Variants in LRRC1 observed in about 807,000 individuals in gnomAD.
LRRC1 encodes the protein leucine rich repeat containing 1.
LRRC1 carries 28 observed loss-of-function variants against 69.9 expected under a neutral mutation model. The observed-to-expected ratio is 0.40, with a 90% CI of 0.30 to 0.55. The LOEUF (loss-of-function observed/expected upper bound fraction) is 0.55. Ranked by LOEUF, LRRC1 falls within the 20% of genes least tolerant of loss-of-function variation. The probability of loss-of-function intolerance (pLI) is 0.47; values close to 1 mark genes in which losing one functional copy is unlikely to be tolerated. For synonymous variants in LRRC1, 236 were observed against 240.2 expected (o/e 0.98, Z 0.16); for missense variants, 498 against 609.0 (o/e 0.82, Z 1.92).
chr6:53,905,427 T>C (rs946961799), intron 10 of LRRC1: 3 of 151,890 alleles, frequency 2.0e-5, no homozygotes, highest in Non-Finnish European at 2.9e-5. Flanking sequence ...AGGATAATAC[T>C]GAGCTTGATT....
At chr6:53,840,764 ATGG>A in intron 1 of LRRC1, among the ~76,000 whole-genome samples, 1 of 151,634 alleles carries the variant, frequency 6.6e-6, no homozygotes, top group African/African-American at 2.4e-5. Flanking sequence ...TATGCTTTTT[ATGG>A]TGTTATGTTG....
intron 1 of LRRC1, among the ~76,000 whole-genome samples, chr6:53,815,704 CTT>C (rs1283489802): frequency 6.6e-6 from 1 of 152,232 alleles, no homozygotes; most frequent in African/African-American, 2.4e-5. Context: ...AGTGGACAAA[CTT>C]AAGCAAGTTC....
At position 53,920,657 on chromosome 6, in the gene LRRC1, T is replaced by C. The variant is rs756335082; in HGVS notation, c.1312T>C (p.Leu438=). The C allele has an allele frequency of 6.2e-7, 1 of 1,614,166 alleles. No homozygotes were observed. The highest frequency in any genetic ancestry group is 1.1e-5 in the South Asian group (1 of 91,082). Residue 438 remains leucine, a synonymous_variant, in exon 13 of 14, where the codon TTG becomes CTG. Coordinates refer to ENST00000370888, the MANE Select transcript of LRRC1 (RefSeq NM_018214.5). ...GCCTCGCTGTGGTGCACTGGAGAAC[T>C]TGGTAAATGATGTCTCTGATGAAGC... ...NLPRCGALEN[L]VNDVSDEAWN...
Position 53,842,182 on chromosome 6 carries a change from A to G in LRRC1, c.232A>G (p.Ile78Val). ...TGAAATTCAGCGGCTCCCTCCAGAA[A>G]TAGCAAACTTCATGCAGCTGGTGGA... ...DNEIQRLPPE[I>V]ANFMQLVELD... is the part of the protein sequence containing the mutation. Residue 78 changes from isoleucine (I) to valine (V), a missense_variant, in exon 2 of 14, where the codon ATA becomes GTA. Coordinates refer to ENST00000370888, the MANE Select transcript of LRRC1 (RefSeq NM_018214.5). 6.2e-7 allele frequency: 1 copy of G among 1,614,104 alleles called. No individual in the cohort carries two copies. Among genetic ancestry groups the G allele is most frequent in the East Asian group, 2.2e-5 (1 of 44,876 alleles).
At chr6:53,896,718 C>A in intron 5 of LRRC1, 111 bp from the exon 6 acceptor site, 2 of 982,886 alleles carry the variant, frequency 2.0e-6, no homozygotes, top group Non-Finnish European at 3.1e-6. Flanking sequence ...TATTTTCTAC[C>A]ATAAAAATAA....
intron 8 of LRRC1, 61 bp from the exon 9 acceptor site, chr6:53,902,568 G>GTGATTATGAAAATAATTGTAACTAATGAA: frequency 9.6e-7 from 1 of 1,043,656 alleles, no homozygotes; most frequent in Non-Finnish European, 1.4e-6. Context: ...ATTCCAAGCA[G>GTGATTATGAAAATAATTGTAACTAATGAA]TGATTATGAA....
At chr6:53,812,201 AGAGCGCTCAGCCTAAT>A (rs1215963652) in intron 1 of LRRC1, among the ~76,000 whole-genome samples, 4 of 152,210 alleles carry the variant, frequency 2.6e-5, no homozygotes, top group Non-Finnish European at 5.9e-5. Context: ...ACACTGATTT[AGAGCGCTCAGCCTAAT>A]GGCAGCTTTT....
intron 1 of LRRC1, among the ~76,000 whole-genome samples, chr6:53,818,847 A>G (rs1765029555): frequency 6.6e-6 from 1 of 152,170 alleles, no homozygotes; most frequent in South Asian, 2.1e-4. Context: ...CATTTCATAA[A>G]TGCTTTTATT....
chr6:53,864,501 C>T (rs536442159), intron 2 of LRRC1, among the ~76,000 whole-genome samples: 22 of 152,292 alleles, frequency 1.4e-4, no homozygotes, highest in African/African-American at 5.3e-4. Flanking sequence ...CTTCCTCGGC[C>T]ACGAGGCAGA....
Position 53,900,043 on chromosome 6 carries a change from T to TTTTG in LRRC1, c.787+155_787+156insGTTT, listed in dbSNP as rs1562066504. On this transcript the variant is annotated intron_variant, in intron 8 of 13. Transcript: ENST00000370888. ...CTGTTTTTTTTTTTTTTTTTTTTTT[T>TTTTG]TTTTTTTTTTCTGAGATGGAGTCTC... The TTTTG allele has an allele frequency of 2.6e-5, 16 of 623,802 alleles. No homozygotes were observed. In the African/African-American group the frequency reaches 3.9e-4, roughly 15 times the overall value. 38.6% of individuals were successfully genotyped at this position (623,802 alleles called of 1,614,324 possible). A position where few individuals can be genotyped will look rare whatever the true frequency, so the allele number is the denominator to read the frequency against.
At chr6:53,894,999 G>C (rs1430145569) in intron 4 of LRRC1, among the ~76,000 whole-genome samples, 1 of 150,736 alleles carries the variant, frequency 6.6e-6, no homozygotes, top group East Asian at 2.0e-4. Flanking sequence ...CTCACTGCAA[G>C]CTCCGCCTTC....
intron 9 of LRRC1, among the ~76,000 whole-genome samples, chr6:53,903,960 G>A (rs550762530): frequency 2.6e-5 from 4 of 152,254 alleles, no homozygotes; most frequent in South Asian, 2.1e-4. Context: ...CTGCCCATGC[G>A]GCACCCTGCT....
chr6:53,832,094 T>C (rs1327094750), intron 1 of LRRC1, among the ~76,000 whole-genome samples: 1 of 152,220 alleles, frequency 6.6e-6, no homozygotes, highest in African/African-American at 2.4e-5. Context: ...TCTTACTTGA[T>C]GCCTCATAGG....
chr6:53,878,492 G>A (rs767414248), intron 2 of LRRC1, among the ~76,000 whole-genome samples: 5 of 152,176 alleles, frequency 3.3e-5, no homozygotes, highest in Non-Finnish European at 7.3e-5. Flanking sequence ...TTCTCATAAG[G>A]AGCACACAAC....
At chr6:53,802,601 G>T (rs1764517455) in intron 1 of LRRC1, among the ~76,000 whole-genome samples, 1 of 152,180 alleles carries the variant, frequency 6.6e-6, no homozygotes, top group South Asian at 2.1e-4. Context: ...GATGTGTTAA[G>T]GGTAGGAAGA....
chr6:53,825,628 G>A (rs3003490), intron 1 of LRRC1, among the ~76,000 whole-genome samples: 38,864 of 151,920 alleles, frequency 0.26, 5,118 homozygotes, highest in African/African-American at 0.26. Flanking sequence ...AGAGTCACCC[G>A]GAGAACTTTG....
Position 53,920,636 on chromosome 6 carries a change from C to T in LRRC1, c.1291C>T (p.Arg431Cys), listed in dbSNP as rs374506493. Residue 431 changes from arginine (R) to cysteine (C), a missense_variant, in exon 13 of 14, where the codon CGC becomes TGC. By Grantham distance (180) the Arg-to-Cys change is radical. Around this residue, in one of 3 missense-constraint regions of LRRC1, gnomAD observed 162 missense variants for 162.9 expected, o/e 0.99. Coordinates refer to ENST00000370888, the MANE Select transcript of LRRC1 (RefSeq NM_018214.5). ...SEPTCQENLP[R>C]CGALENLVND... ...CTTTGTCACTGCAGAGAATCTGCCTCGCTGTGGTGCACTGGAGAACTTGGT... is the reference window on the plus strand; with the variant it reads ...CTTTGTCACTGCAGAGAATCTGCCTTGCTGTGGTGCACTGGAGAACTTGGT... 46 of 1,614,106 alleles carry T rather than the reference C, an allele frequency of 2.8e-5. No homozygotes were observed. In the Admixed American group the frequency reaches 3.3e-4, roughly 12 times the overall value.
At chr6:53,914,034 T>A (rs1386345465) in intron 11 of LRRC1, 65 bp downstream of exon 11, 1 of 1,111,886 alleles carries the variant, frequency 9.0e-7, no homozygotes, top group East Asian at 2.4e-5. Context: ...ATCTTGGCAG[T>A]GCATCTTCAA....
At chr6:53,818,735 A>G (rs1017020777) in intron 1 of LRRC1, among the ~76,000 whole-genome samples, 3 of 152,218 alleles carry the variant, frequency 2.0e-5, no homozygotes, top group African/African-American at 7.2e-5. Context: ...TGTGTCCTTG[A>G]ATCTTTTCCA....
Sources: allele counts gnomAD v4.1 joint callset (sites outside exome capture counted in the v4.1 genomes callset), GRCh38; gene constraint gnomAD v4.1.1; regional missense constraint gnomAD v4.1.1; transcripts MANE v1.5; gene names NCBI Gene and HGNC (gene_info 2026-07-23, HGNC 2026-07-21).